The following GNG2 variants were observed in gnomAD, a reference collection of about 807,000 sequenced individuals.
The protein encoded by GNG2 is guanine nucleotide-binding protein G(I)/G(S)/G(O) subunit gamma-2.
In GNG2, 5 loss-of-function variants were observed where a neutral mutation model predicts 5.5. The ratio of observed to expected loss-of-function variants is 0.91; its 90% confidence interval spans 0.48 to 1.92. GNG2 has a LOEUF of 1.92. Ranked by LOEUF, GNG2 falls within the 30% of genes most tolerant of loss-of-function variation. The pLI is 0.01. For missense variants in GNG2, 55 were observed against 88.4 expected, an observed-to-expected ratio of 0.62 and a Z score of 1.52; for synonymous variants, 28 against 32.0, an observed-to-expected ratio of 0.88 and a Z score of 0.42.
chr14:51,889,446 G>C (rs996636924), intron 2 of GNG2, among the ~76,000 whole-genome samples: 1 of 152,232 alleles, frequency 6.6e-6, no homozygotes, highest in Non-Finnish European at 1.5e-5. Flanking sequence ...TTTGATAGTG[G>C]TGATGGGTAC....
intron 2 of GNG2, among the ~76,000 whole-genome samples, chr14:51,926,113 T>C (rs1887303715): frequency 6.6e-6 from 1 of 152,020 alleles, no homozygotes; most frequent in Non-Finnish European, 1.5e-5. Context: ...AAGTGTCCAA[T>C]TTTTAAAAAA....
intron 1 of GNG2, among the ~76,000 whole-genome samples, chr14:51,876,825 A>T (rs1484346811): frequency 1.3e-5 from 2 of 152,182 alleles, no homozygotes; most frequent in Non-Finnish European, 2.9e-5. Flanking sequence ...TTCCACCCTC[A>T]TTCATACTAT....
At chr14:51,863,218 T>C (rs889297844) in intron 1 of GNG2, among the ~76,000 whole-genome samples, 6 of 152,104 alleles carry the variant, frequency 3.9e-5, no homozygotes, top group African/African-American at 1.4e-4. Context: ...CACTGTGGAG[T>C]GAAAAGAACG....
chr14:51,919,467 C>G (rs1886878412), intron 2 of GNG2, among the ~76,000 whole-genome samples: 1 of 152,148 alleles, frequency 6.6e-6, no homozygotes, highest in African/African-American at 2.4e-5. Flanking sequence ...CAAGCAGGTC[C>G]CCAGAAGAAG....
chr14:51,883,030 A>AAT (rs1884203508), intron 2 of GNG2, among the ~76,000 whole-genome samples: 1 of 151,720 alleles, frequency 6.6e-6, no homozygotes, highest in Admixed American at 6.6e-5. Flanking sequence ...AAAGAAAAAA[A>AAT]AAAAGAAAAA....
intron 3 of GNG2, among the ~76,000 whole-genome samples, chr14:51,965,252 TTATCCTTTCAGTAGTTGCTTTGA>T (rs1295269637): frequency 2.6e-5 from 4 of 152,200 alleles, no homozygotes; most frequent in Non-Finnish European, 4.4e-5. Flanking sequence ...TTAAATTAGA[TTATCCTTTCAGTAGTTGCTTTGA>T]TATCCTTTCA....
intron 2 of GNG2, among the ~76,000 whole-genome samples, chr14:51,920,277 C>G (rs987824386): frequency 6.6e-6 from 1 of 151,976 alleles, no homozygotes; most frequent in African/African-American, 2.4e-5. Flanking sequence ...CAAGGGACAA[C>G]GGTATTTGCA....
chr14:51,941,707 G>A (rs1406992587), intron 2 of GNG2, among the ~76,000 whole-genome samples: 1 of 152,200 alleles, frequency 6.6e-6, no homozygotes, highest in Middle Eastern at 3.2e-3. Context: ...TAAATGACAA[G>A]AAAATGTATG....
At chr14:51,848,975 A>G (rs773221288) in intron 2 of GNG2, among the ~76,000 whole-genome samples, 17 of 152,236 alleles carry the variant, frequency 1.1e-4, no homozygotes, top group South Asian at 4.1e-4. Flanking sequence ...CTACTGGTAT[A>G]TAACAAATGA....
chr14:51,848,955 T>C (rs1881775316), intron 2 of GNG2, among the ~76,000 whole-genome samples: 1 of 152,218 alleles, frequency 6.6e-6, no homozygotes, highest in South Asian at 2.1e-4. Context: ...CTGGGTACTA[T>C]ACAAGTTATC....
At chr14:51,828,236 C>A (rs772369423) in intron 2 of GNG2, among the ~76,000 whole-genome samples, 7 of 152,144 alleles carry the variant, frequency 4.6e-5, no homozygotes, top group African/African-American at 2.4e-5. Context: ...GGGGAAGCCA[C>A]CTCAAGGTGA....
chr14:51,841,561 A>G (rs2140077412), intron 2 of GNG2: 2 of 702,094 alleles, frequency 2.8e-6, no homozygotes, highest in Non-Finnish European at 5.2e-6. Flanking sequence ...TGGAGCCCGG[A>G]TTTGAACCCA....
chr14:51,897,865 T>C (rs910515935), intron 2 of GNG2, among the ~76,000 whole-genome samples: 1 of 152,174 alleles, frequency 6.6e-6, no homozygotes, highest in Non-Finnish European at 1.5e-5. Context: ...AGCAAGTTAG[T>C]GGGAAATATC....
At chr14:51,916,588 A>G (rs560543905) in intron 2 of GNG2, 6 of 423,542 alleles carry the variant, frequency 1.4e-5, no homozygotes, top group Admixed American at 2.8e-5. Context: ...CGCAGCTTCA[A>G]CAGTGGCCAT....
At chr14:51,833,507 A>G (rs1881251893) in intron 2 of GNG2, among the ~76,000 whole-genome samples, 2 of 152,224 alleles carry the variant, frequency 1.3e-5, no homozygotes, top group Non-Finnish European at 2.9e-5. Flanking sequence ...ATACAAATAT[A>G]TAATAATAAC....
intron 2 of GNG2, among the ~76,000 whole-genome samples, chr14:51,927,964 TC>T (rs1887428238): frequency 6.6e-6 from 1 of 151,706 alleles, no homozygotes; most frequent in Non-Finnish European, 1.5e-5. Flanking sequence ...CCAAAACACT[TC>T]CTAGAAATAC....
rs2140067469 is a variant in GNG2, at chr14:51,826,936, C to G, written c.-77+706C>G. ...CTCCAGCCATGCTTGATGTCTAGCACTTAGGAGCAATGAGAAGATAAGTTG... is the reference window on the plus strand; with the variant it reads ...CTCCAGCCATGCTTGATGTCTAGCAGTTAGGAGCAATGAGAAGATAAGTTG... On this transcript the variant is annotated intron_variant, in intron 1 of 3. Coordinates refer to the GNG2 transcript ENST00000553432. 1.3e-5 allele frequency among the ~76,000 whole-genome samples: 2 copies of G among 152,246 alleles called. 1 individual carries two copies. Among genetic ancestry groups the G allele is most frequent in the Non-Finnish European group, 2.9e-5 (2 of 68,030 alleles).
intron 2 of GNG2, among the ~76,000 whole-genome samples, chr14:51,942,703 C>A (rs1261077118): frequency 6.7e-6 from 1 of 150,370 alleles, no homozygotes. Flanking sequence ...GGGATACAGG[C>A]ATGTGCCACC....
intron 1 of GNG2, among the ~76,000 whole-genome samples, chr14:51,862,614 A>G (rs1429003027): frequency 6.6e-6 from 1 of 152,264 alleles, no homozygotes; most frequent in East Asian, 1.9e-4. Flanking sequence ...GGAGGCACAG[A>G]CAATCTGCAT....
Sources: allele counts gnomAD v4.1 joint callset (sites outside exome capture counted in the v4.1 genomes callset), GRCh38; gene constraint gnomAD v4.1.1; transcripts MANE v1.5; gene names NCBI Gene and HGNC (gene_info 2026-07-23, HGNC 2026-07-21).